The following FAF1 variants were observed in gnomAD, a reference collection of about 807,000 sequenced individuals.
The protein encoded by FAF1 is Fas associated factor 1.
Under a neutral mutation model 92.5 loss-of-function variants are expected in FAF1, and 25 were observed. The observed-to-expected ratio is 0.27, with a 90% CI of 0.20 to 0.38. The LOEUF (loss-of-function observed/expected upper bound fraction) is 0.38, where lower values mean the gene tolerates loss of function less well. Among genes scored for constraint, FAF1 ranks in the 10% least tolerant of loss-of-function variants. The pLI is 1.00. For missense variants in FAF1, 636 were observed against 793.3 expected, an observed-to-expected ratio of 0.80 and a Z score of 2.38; for synonymous variants, 234 against 273.2, an observed-to-expected ratio of 0.86 and a Z score of 1.42.
intron 17 of FAF1, among the ~76,000 whole-genome samples, chr1:50,480,640 G>A (rs920805972): frequency 2.6e-5 from 4 of 152,172 alleles, no homozygotes; most frequent in African/African-American, 9.7e-5. Flanking sequence ...AGAAAAGATA[G>A]TATGTGCCAC....
At chr1:50,819,772 T>C (rs1222247796) in intron 2 of FAF1, among the ~76,000 whole-genome samples, 1 of 51,716 alleles carries the variant, frequency 1.9e-5, no homozygotes, top group East Asian at 5.5e-4. Context: ...TACGTATATA[T>C]ATATACATAT....
Position 50,930,663 on chromosome 1 carries a change from G to A in FAF1, c.45+29104C>T, listed in dbSNP as rs563215703. On this transcript the variant is annotated intron_variant, in intron 1 of 18. Coordinates refer to ENST00000396153, the MANE Select transcript of FAF1 (RefSeq NM_007051.3). ...ATCCTGGCTAACACAGTGAAACCCC[G>A]TCTCTACTAAAAATACAAAAAATTA... Among the ~76,000 whole-genome samples the A allele has an allele frequency of 5.5e-4, 84 of 152,126 alleles. 1 individual carries two copies. Among genetic ancestry groups the A allele is most frequent in the Non-Finnish European group, 8.2e-4 (56 of 67,988 alleles).
Position 50,539,740 on chromosome 1 carries a change from C to A in FAF1, c.1269-12G>T. ...ACATAGTGAGAAATCTAAAAGGAGA[C>A]AAAATACAAAGTAAGTTTTGCTTTG... On this transcript the variant is annotated splice_polypyrimidine_tract_variant and intron_variant, in intron 13 of 18. Transcript: ENST00000396153. 3 of 1,598,838 alleles carry A rather than the reference C, an allele frequency of 1.9e-6. No individual in the cohort carries two copies. Among genetic ancestry groups the A allele is most frequent in the Non-Finnish European group, 2.6e-6 (3 of 1,170,376 alleles).
chr1:50,693,102 G>T (rs1657012429), intron 7 of FAF1, among the ~76,000 whole-genome samples: 1 of 152,058 alleles, frequency 6.6e-6, no homozygotes, highest in Non-Finnish European at 1.5e-5. Context: ...TTCCTTGTTT[G>T]TAGTTTTAGT....
chr1:50,593,493 C>T (rs928152417), intron 9 of FAF1, among the ~76,000 whole-genome samples: 11 of 152,146 alleles, frequency 7.2e-5, no homozygotes, highest in African/African-American at 2.7e-4. Context: ...CCATTAAAAA[C>T]AGACTCAAGC....
At chr1:50,620,243 G>C (rs967540200) in intron 8 of FAF1, among the ~76,000 whole-genome samples, 15 of 152,126 alleles carry the variant, frequency 9.9e-5, no homozygotes, top group African/African-American at 3.6e-4. Context: ...ACATTTCTTG[G>C]AGGTTTTGTT....
intron 15 of FAF1, among the ~76,000 whole-genome samples, chr1:50,517,334 T>C (rs1647253787): frequency 6.6e-6 from 1 of 152,210 alleles, no homozygotes; most frequent in Non-Finnish European, 1.5e-5. Context: ...CTGTAAGTGA[T>C]CTTGGGCAAA....
intron 15 of FAF1, among the ~76,000 whole-genome samples, chr1:50,532,659 A>G (rs1432202371): frequency 2.6e-5 from 4 of 152,196 alleles, no homozygotes; most frequent in African/African-American, 9.6e-5. Flanking sequence ...ATTGACTATT[A>G]AGAAAAAGTA....
At chr1:50,571,198 T>C (rs1199898883) in intron 12 of FAF1, among the ~76,000 whole-genome samples, 1 of 152,190 alleles carries the variant, frequency 6.6e-6, no homozygotes, top group Non-Finnish European at 1.5e-5. Flanking sequence ...AAAGAATATA[T>C]TTTATTTGTC....
chr1:50,546,741 GGGTTTAAGAA>G (rs1448538331), intron 13 of FAF1, among the ~76,000 whole-genome samples: 3 of 152,058 alleles, frequency 2.0e-5, no homozygotes, highest in African/African-American at 7.2e-5. Flanking sequence ...ACATAGATAT[GGGTTTAAGAA>G]GGAGACTTTT....
In FAF1 at chr1:50,794,789, A is replaced by ATTT. The variant is rs59806816; in HGVS notation, c.162-6587_162-6585dup. 1.2e-3 allele frequency among the ~76,000 whole-genome samples: 146 copies of ATTT among 123,460 alleles called. 2 individuals carry two copies. The highest frequency in any genetic ancestry group is 4.0e-3 in the South Asian group (15 of 3,746). 81.0% of individuals were successfully genotyped at this position (123,460 alleles called of 152,430 possible). On this transcript the variant is annotated intron_variant, in intron 3 of 18. Coordinates refer to ENST00000396153, the MANE Select transcript of FAF1 (RefSeq NM_007051.3). ...CAGGTGCCCACCACCTCACCCAGCTATTTTTTTTTTTTTTTTTTTGTATTT... is the reference window on the plus strand; with the variant it reads ...CAGGTGCCCACCACCTCACCCAGCTATTTTTTTTTTTTTTTTTTTTTTGTATTT...
At position 50,587,373 on chromosome 1, in the gene FAF1, A is replaced by C. The variant is rs1472937969; in HGVS notation, c.841-2562T>G. 1.3e-5 allele frequency among the ~76,000 whole-genome samples: 2 copies of C among 152,232 alleles called. 1 individual carries two copies. Among genetic ancestry groups the C allele is most frequent in the Non-Finnish European group, 2.9e-5 (2 of 68,034 alleles). ...TCTAAAAAGCCAATTTTGTTGAAAA[A>C]AGTATATTTCAAATATGAATTATTG... On this transcript the variant is annotated intron_variant, in intron 9 of 18. Coordinates refer to ENST00000396153, the MANE Select transcript of FAF1 (RefSeq NM_007051.3).
chr1:50,802,769 C>A (rs983219497), intron 2 of FAF1, among the ~76,000 whole-genome samples: 19 of 152,216 alleles, frequency 1.2e-4, no homozygotes, highest in Non-Finnish European at 2.9e-5. Context: ...TCCTTCCCTA[C>A]CCTTCCGTAT....
At chr1:50,486,713 G>A (rs1646773922) in intron 17 of FAF1, among the ~76,000 whole-genome samples, 1 of 152,098 alleles carries the variant, frequency 6.6e-6, no homozygotes. Flanking sequence ...TTGAGGGCTG[G>A]ACTATGCCTC....
chr1:50,944,879 G>A (rs1327056448), intron 1 of FAF1, among the ~76,000 whole-genome samples: 4 of 152,056 alleles, frequency 2.6e-5, no homozygotes, highest in Non-Finnish European at 5.9e-5. Flanking sequence ...CTCAAAATAG[G>A]GCTATATAAC....
At chr1:50,642,422 G>A (rs549719116) in intron 8 of FAF1, among the ~76,000 whole-genome samples, 3 of 151,934 alleles carry the variant, frequency 2.0e-5, no homozygotes. Flanking sequence ...AGGCCGACGC[G>A]GGGGGATCAC....
At chr1:50,456,880 T>G (rs951212722) in intron 18 of FAF1, among the ~76,000 whole-genome samples, 10 of 152,204 alleles carry the variant, frequency 6.6e-5, no homozygotes, top group African/African-American at 9.6e-5. Flanking sequence ...TTCCACATTT[T>G]TCTTTCCTCC....
intron 1 of FAF1, among the ~76,000 whole-genome samples, chr1:50,860,793 C>T (rs545617697): frequency 4.6e-5 from 7 of 151,664 alleles, no homozygotes; most frequent in Non-Finnish European, 8.8e-5. Context: ...ACACGTTAAT[C>T]GCAGCACTAT....
rs574996308 is a variant in FAF1 at position 50,713,962 on chromosome 1, G to A, written c.552-8071C>T. On this transcript the variant is annotated intron_variant, in intron 6 of 18. Coordinates refer to ENST00000396153, the MANE Select transcript of FAF1 (RefSeq NM_007051.3). ...ATTTTTTTGTATTTTTAGTTGAGAC[G>A]GGGTTTCACCATCTTGGCCAGGCTG... Among the ~76,000 whole-genome samples the A allele has an allele frequency of 2.1e-3, 314 of 150,652 alleles. 3 individuals carry two copies. The highest frequency in any genetic ancestry group is 7.5e-3 in the African/African-American group (310 of 41,142).
Sources: gnomAD v4.1 joint callset for allele counts (sites outside exome capture counted in the v4.1 genomes callset) on GRCh38, gnomAD v4.1.1 for gene constraint, MANE v1.5 for transcripts, NCBI Gene and HGNC (gene_info 2026-07-23, HGNC 2026-07-21) for gene names.